AGPAT3: variants seen among roughly 807,000 people sequenced by gnomAD.
The protein encoded by AGPAT3 is 1-acyl-sn-glycerol-3-phosphate acyltransferase gamma.
In AGPAT3, 5 loss-of-function variants were observed where a neutral mutation model predicts 47.3. The ratio of observed to expected loss-of-function variants is 0.11; its 90% confidence interval spans 0.06 to 0.22. The LOEUF is 0.22. Among genes scored for constraint, AGPAT3 ranks in the 10% least tolerant of loss-of-function variants. The pLI, the probability that AGPAT3 is intolerant of heterozygous loss-of-function variation, is 1.00. For missense variants in AGPAT3, 315 were observed against 493.0 expected, an observed-to-expected ratio of 0.64 and a Z score of 3.42; for synonymous variants, 212 against 208.3, an observed-to-expected ratio of 1.02 and a Z score of -0.15.
At chr21:43,907,858 C>T (rs1303360794) in intron 2 of AGPAT3, among the ~76,000 whole-genome samples, 1 of 152,222 alleles carries the variant, frequency 6.6e-6, no homozygotes, top group Non-Finnish European at 1.5e-5. Context: ...AACCCCCAAA[C>T]CCAGCAGACC....
intron 1 of AGPAT3, among the ~76,000 whole-genome samples, chr21:43,894,432 T>C (rs2086170539): frequency 6.6e-6 from 1 of 151,944 alleles, no homozygotes. Flanking sequence ...GGAGATATAG[T>C]TCACCCACTA....
intron 7 of AGPAT3, among the ~76,000 whole-genome samples, 155 bp from the exon 8 acceptor site, chr21:43,977,891 A>C (rs1180167233): frequency 6.6e-6 from 1 of 151,952 alleles, no homozygotes; most frequent in Non-Finnish European, 1.5e-5. Context: ...ATCTCAAAAA[A>C]AAAAAAAAGA....
At chr21:43,890,303 G>C (rs992633117) in intron 1 of AGPAT3, among the ~76,000 whole-genome samples, 2 of 152,208 alleles carry the variant, frequency 1.3e-5, no homozygotes, top group Non-Finnish European at 2.9e-5. Context: ...CCTCCGTCAT[G>C]ATGGTAGACT....
At chr21:43,870,550 TAA>T (rs796183117) in intron 1 of AGPAT3, among the ~76,000 whole-genome samples, 1 of 141,542 alleles carries the variant, frequency 7.1e-6, no homozygotes. Flanking sequence ...CATCTCTACT[TAA>T]AAAAAAAAAA....
chr21:43,924,296 A>T (rs2086987713), intron 2 of AGPAT3, among the ~76,000 whole-genome samples: 1 of 151,632 alleles, frequency 6.6e-6, no homozygotes, highest in Non-Finnish European at 1.5e-5. Flanking sequence ...AAGTGCTGGG[A>T]TTACAGGCGT....
At chr21:43,892,024 C>T (rs1394839014) in intron 1 of AGPAT3, among the ~76,000 whole-genome samples, 2 of 151,856 alleles carry the variant, frequency 1.3e-5, no homozygotes, top group Admixed American at 6.6e-5. Context: ...AATTACTCCA[C>T]GGCTGGGCAT....
At chr21:43,974,547 ATGTGTGTGGTG>A (rs371869848) in intron 7 of AGPAT3, among the ~76,000 whole-genome samples, 3,012 of 149,014 alleles carry the variant, frequency 0.02, 91 homozygotes, top group African/African-American at 0.071. Context: ...TGTAAATTAT[ATGTGTGTGGTG>A]TGTGTGTAGT....
At chr21:43,960,207 A>G (rs539867375) in intron 3 of AGPAT3, among the ~76,000 whole-genome samples, 4 of 152,288 alleles carry the variant, frequency 2.6e-5, no homozygotes, top group Admixed American at 2.0e-4. Context: ...TCCTGCCCAC[A>G]CTGCGCCAAC....
At chr21:43,924,316 C>T (rs1447954394) in intron 2 of AGPAT3, among the ~76,000 whole-genome samples, 2 of 152,046 alleles carry the variant, frequency 1.3e-5, no homozygotes, top group African/African-American at 2.4e-5. Context: ...TGAGCCATCG[C>T]GCCGAGCCAG....
chr21:43,944,309 C>G (rs934857636), intron 2 of AGPAT3, among the ~76,000 whole-genome samples: 1 of 152,232 alleles, frequency 6.6e-6, no homozygotes, highest in Admixed American at 6.5e-5. Context: ...CCCTGCATTG[C>G]GGCTGGGCAG....
At chr21:43,904,729 G>A (rs951025848) in intron 2 of AGPAT3, among the ~76,000 whole-genome samples, 7 of 152,170 alleles carry the variant, frequency 4.6e-5, no homozygotes, top group African/African-American at 7.2e-5. Flanking sequence ...TTCCACCCCC[G>A]TTCCCAGGCC....
chr21:43,921,802 TC>T (rs931130562), intron 2 of AGPAT3, among the ~76,000 whole-genome samples: 5 of 151,916 alleles, frequency 3.3e-5, no homozygotes, highest in African/African-American at 9.7e-5. Context: ...CTTTTTTTTT[TC>T]CCCCAGGGAT....
chr21:43,871,845 T>C (rs1273641024), intron 1 of AGPAT3, among the ~76,000 whole-genome samples: 2 of 152,220 alleles, frequency 1.3e-5, no homozygotes, highest in African/African-American at 4.8e-5. Flanking sequence ...TTTTTCCCAG[T>C]TGGGTTTTAT....
In AGPAT3 at chr21:43,947,356, G is replaced by T. The variant is rs2087941246; in HGVS notation, c.-48-12278G>T. On this transcript the variant is annotated intron_variant, in intron 2 of 9. Coordinates refer to ENST00000291572, the MANE Select transcript of AGPAT3 (RefSeq NM_020132.5). ...GGGGCTACTGATCCAGCCCAAAGCT[G>T]CAGTCAGGAGAGCGTGCAGCCGTGT... is the stretch of plus-strand genomic sequence containing the variant. Among the ~76,000 whole-genome samples, 3 of 152,238 alleles carry T rather than the reference G, an allele frequency of 2.0e-5. No individual in the cohort carries two copies. The South Asian group carries it at 6.2e-4, about 31-fold the overall frequency.
At chr21:43,866,290 A>G (rs1324497627) in intron 1 of AGPAT3, among the ~76,000 whole-genome samples, 1 of 151,920 alleles carries the variant, frequency 6.6e-6, no homozygotes, top group Non-Finnish European at 1.5e-5. Context: ...TCTTAGTAGA[A>G]GAAAGATGTG....
At chr21:43,958,683 G>T (rs2088618052) in intron 2 of AGPAT3, among the ~76,000 whole-genome samples, 2 of 151,008 alleles carry the variant, frequency 1.3e-5, no homozygotes, top group Admixed American at 1.3e-4. Flanking sequence ...GGTTTGTGGT[G>T]TGTGGTGTGT....
chr21:43,966,950 T>C (rs6518341), intron 3 of AGPAT3: 151,884 of 152,360 alleles, frequency 1, 75,727 homozygotes, highest in Middle Eastern at 1. Context: ...CTTCCCCACA[T>C]GGCCCTCTGA....
At position 43,873,383 on chromosome 21, in the gene AGPAT3, A is replaced by G. The variant is rs143577062; in HGVS notation, c.-112+8038A>G. ...GCACCTGACTTCATCAAGGTAAAGC[A>G]CGCGCACCAGCAAAACCCATGTGCC... On this transcript the variant is annotated intron_variant, in intron 1 of 9. Coordinates refer to ENST00000291572, the MANE Select transcript of AGPAT3 (RefSeq NM_020132.5). Among the ~76,000 whole-genome samples the G allele has an allele frequency of 2.9e-3, 440 of 152,310 alleles. 1 individual carries two copies. Among genetic ancestry groups the G allele is most frequent in the Middle Eastern group, 0.024 (7 of 294 alleles).
intron 3 of AGPAT3, among the ~76,000 whole-genome samples, chr21:43,963,514 A>C (rs2146676891): frequency 6.6e-6 from 1 of 152,236 alleles, no homozygotes; most frequent in African/African-American, 2.4e-5. Flanking sequence ...GTTTGAGACC[A>C]GCCTGGCCAA....
Sources: allele counts gnomAD v4.1 joint callset (sites outside exome capture counted in the v4.1 genomes callset), GRCh38; gene constraint gnomAD v4.1.1; transcripts MANE v1.5; gene names NCBI Gene and HGNC (gene_info 2026-07-23, HGNC 2026-07-21).